The following TMPRSS9 variants were observed in gnomAD, a reference collection of about 807,000 sequenced individuals.
TMPRSS9 encodes the protein transmembrane protease serine 9.
In TMPRSS9, 113 loss-of-function variants were observed where a neutral mutation model predicts 111.4. The ratio of observed to expected loss-of-function variants is 1.01; its 90% CI spans 0.87 to 1.19. The LOEUF (loss-of-function observed/expected upper bound fraction) is 1.19, where lower values mean the gene tolerates loss of function less well. Among genes scored for constraint, TMPRSS9 ranks in the 50% most tolerant of loss-of-function variants. The pLI, the probability that TMPRSS9 is intolerant of heterozygous loss-of-function variation, is 0.00. For synonymous variants in TMPRSS9, 805 were observed against 659.1 expected (o/e 1.22, Z -3.39); for missense variants, 1,803 against 1,513.1 (o/e 1.19, Z -3.18).
At chr19:2,411,400 C>CTCTTTTT (rs756207648) in intron 9 of TMPRSS9, among the ~76,000 whole-genome samples, 4 of 100,714 alleles carry the variant, frequency 4.0e-5, no homozygotes, top group East Asian at 3.4e-4. Flanking sequence ...TCTTCTTCTT[C>CTCTTTTT]TTTTTTTTTT....
chr19:2,386,304 G>A (rs1475433339), upstream of TMPRSS9, among the ~76,000 whole-genome samples: 2 of 151,912 alleles, frequency 1.3e-5, no homozygotes, highest in African/African-American at 4.8e-5. Flanking sequence ...AGGAGATTGA[G>A]ACCATCCTGG....
intron 1 of TMPRSS9, among the ~76,000 whole-genome samples, chr19:2,376,820 G>A (rs1312514019): frequency 6.6e-6 from 1 of 152,128 alleles, no homozygotes; most frequent in Non-Finnish European, 1.5e-5. Flanking sequence ...AAGGAGTCAA[G>A]GCTCTTTCTG....
intron 9 of TMPRSS9, among the ~76,000 whole-genome samples, chr19:2,410,890 T>C (rs796694223): frequency 6.6e-6 from 1 of 152,098 alleles, no homozygotes; most frequent in Non-Finnish European, 1.5e-5. Flanking sequence ...TGCCAGCACA[T>C]ACCCTGGGCA....
At chr19:2,413,667 G>C (rs763307575) in intron 9 of TMPRSS9, 33 bp from the exon 11 acceptor site, 1 of 1,575,208 alleles carries the variant, frequency 6.3e-7, no homozygotes, top group Non-Finnish European at 8.7e-7. Context: ...GGCTGCTGCC[G>C]ACCCATCCTG....
chr19:2,389,868 C>A (rs201916796), exon 1 of TMPRSS9: 2 of 1,613,888 alleles, frequency 1.2e-6, no homozygotes, highest in Non-Finnish European at 1.7e-6. Context: ...TGCTGTCGAG[C>A]GGCCAGCATT....
intron 9 of TMPRSS9, among the ~76,000 whole-genome samples, chr19:2,413,188 C>T (rs1408349249): frequency 6.6e-6 from 1 of 152,038 alleles, no homozygotes; most frequent in Non-Finnish European, 1.5e-5. Flanking sequence ...GAGCAAAACT[C>T]TATCTCAAAA....
rs201054420 is a variant in TMPRSS9 at position 2,413,727 on chromosome 19, G to C, written c.1282G>C (p.Glu428Gln). The C allele has an allele frequency of 1.7e-5, 27 of 1,612,584 alleles. No individual in the cohort carries two copies. The Admixed American group carries it at 4.0e-4, about 24-fold the overall frequency. ...TGACTCAGGAGGACCCCTGGTCTGC[G>C]AGGAGCCCTCTGGCCGGTTCTTTCT... Residue 428 changes from glutamate (E) to glutamine (Q), a missense_variant, in exon 10 of 18, where the codon GAG becomes CAG. By Grantham distance (29) the Glu-to-Gln change is conservative (BLOSUM62 2). Transcript: ENST00000648592.
chr19:2,388,010 T>C (rs112060023), upstream of TMPRSS9, among the ~76,000 whole-genome samples: 1,511 of 152,294 alleles, frequency 9.9e-3, 34 homozygotes, highest in African/African-American at 0.034. Context: ...TAGGAATCTC[T>C]TTTGAACACT....
chr19:2,389,295 A>G (rs888566593), upstream of TMPRSS9, among the ~76,000 whole-genome samples: 5 of 150,338 alleles, frequency 3.3e-5, no homozygotes, highest in South Asian at 2.1e-4. Context: ...GGCTGGTCTC[A>G]AACTCTTGAC....
rs370073487 is a variant in TMPRSS9 at position 2,390,241 on chromosome 19, TTG to T, written c.142+316_142+317del. Among the ~76,000 whole-genome samples, 77 of 131,232 alleles carry T rather than the reference TTG, an allele frequency of 5.9e-4. 25 individuals carry two copies. The highest frequency in any genetic ancestry group is 7.3e-4 in the Non-Finnish European group (45 of 61,814). 86.1% of individuals were successfully genotyped at this position (131,232 alleles called of 152,430 possible). ...AAAATACCCAAAGTAGTTTTTTTTT[TTG>T]TTTTTTTTTTTTTTTGAGACGGAGT... On this transcript the variant is annotated intron_variant, in intron 1 of 17. Coordinates refer to ENST00000648592, the Ensembl canonical transcript of TMPRSS9.
intron 1 of TMPRSS9, among the ~76,000 whole-genome samples, chr19:2,366,893 G>C (rs1970251692): frequency 6.6e-6 from 1 of 151,318 alleles, no homozygotes; most frequent in African/African-American, 2.4e-5. Flanking sequence ...GGCCAGGGCT[G>C]CCTCATCTGA....
intron 1 of TMPRSS9, among the ~76,000 whole-genome samples, chr19:2,362,537 TTTGTGGATGGCTTTGTGTGG>T (rs1239847080): frequency 7.9e-5 from 12 of 151,700 alleles, no homozygotes; most frequent in African/African-American, 2.7e-4. Context: ...ATTGCATGAT[TTTGTGGATGGCTTTGTGTGG>T]TTGTGTATGG....
exon 17 of TMPRSS9, chr19:2,425,466 C>G: frequency 6.3e-7 from 1 of 1,591,494 alleles, no homozygotes; most frequent in South Asian, 1.1e-5. Context: ...GTGCCGGCTT[C>G]CCGCAGGGTG....
rs1970547716 is a variant in TMPRSS9, at chr19:2,389,826, C to T, written c.41C>T (p.Thr14Ile). 2.5e-6 allele frequency: 4 copies of T among 1,613,890 alleles called. No individual in the cohort carries two copies. The African/African-American group carries it at 5.3e-5, about 22-fold the overall frequency. ...GCTGACGTACACCTCGTGCCCAGGA[C>T]AACCAAGGAAGTCCCCGCTCTGGAT... Residue 14 changes from threonine to isoleucine, a missense_variant, in exon 1 of 18, where the codon ACA (threonine) becomes ATA (isoleucine). Thr to Ile is a moderately conservative substitution (Grantham distance 89). Coordinates refer to ENST00000648592, the Ensembl canonical transcript of TMPRSS9.
intron 1 of TMPRSS9, among the ~76,000 whole-genome samples, chr19:2,366,680 AC>A (rs1673052925): frequency 6.6e-6 from 1 of 150,566 alleles, no homozygotes; most frequent in Non-Finnish European, 1.5e-5. Flanking sequence ...ACACGATGAA[AC>A]CCCACCTCTA....
intron 1 of TMPRSS9, among the ~76,000 whole-genome samples, chr19:2,378,359 C>T (rs1970355512): frequency 1.3e-5 from 2 of 152,202 alleles, no homozygotes; most frequent in African/African-American, 4.8e-5. Context: ...CCTGGGCAAA[C>T]TGGGACCATT....
exon 2 of TMPRSS9, chr19:2,396,579 C>T (rs757158621): frequency 9.3e-6 from 15 of 1,611,168 alleles, no homozygotes; most frequent in Middle Eastern, 1.7e-4. Flanking sequence ...ACCACACGGC[C>T]GAGCTGCGGG....
At chr19:2,401,251 G>A (rs1970840374) in intron 4 of TMPRSS9, among the ~76,000 whole-genome samples, 1 of 152,064 alleles carries the variant, frequency 6.6e-6, no homozygotes, top group South Asian at 2.1e-4. Flanking sequence ...TCCAGCCTGG[G>A]CGACAGAGGG....
intron 12 of TMPRSS9, among the ~76,000 whole-genome samples, chr19:2,417,323 G>C (rs145405215): frequency 6.6e-6 from 1 of 152,100 alleles, no homozygotes; most frequent in Non-Finnish European, 1.5e-5. Flanking sequence ...AAAATTAGCC[G>C]GGTGTGGTGA....
Sources: gnomAD v4.1 joint callset for allele counts (sites outside exome capture counted in the v4.1 genomes callset) on GRCh38, gnomAD v4.1.1 for gene constraint, MANE v1.5 for transcripts, NCBI Gene and HGNC (gene_info 2026-07-23, HGNC 2026-07-21) for gene names.